PSMA8: variants seen among roughly 807,000 people sequenced by gnomAD.
PSMA8 encodes proteasome subunit alpha-type 8.
PSMA8 carries 18 observed loss-of-function variants against 32.4 expected under a neutral mutation model. The ratio of observed to expected loss-of-function variants is 0.56; its 90% CI spans 0.38 to 0.82. The LOEUF is 0.82. PSMA8 is among the 40% of genes least tolerant of loss of function. The probability of loss-of-function intolerance (pLI) is 0.00; values close to 1 mark genes in which losing one functional copy is unlikely to be tolerated. For synonymous variants in PSMA8, 104 were observed against 98.1 expected, an observed-to-expected ratio of 1.06 and a Z score of -0.36; for missense variants, 298 against 300.7, an observed-to-expected ratio of 0.99 and a Z score of 0.07.
intron 4 of PSMA8, among the ~76,000 whole-genome samples, chr18:26,162,512 C>T (rs1439676329): frequency 2.6e-5 from 4 of 152,176 alleles, no homozygotes; most frequent in African/African-American, 9.7e-5. Flanking sequence ...AACTCTCCTT[C>T]TATAAACATC....
intron 1 of PSMA8, among the ~76,000 whole-genome samples, chr18:26,142,279 T>C (rs932075423): frequency 6.6e-6 from 1 of 152,070 alleles, no homozygotes; most frequent in Non-Finnish European, 1.5e-5. Context: ...GACCTCGTGA[T>C]CCACCCACCT....
intron 4 of PSMA8, 31 bp from the exon 5 acceptor site, chr18:26,178,799 G>A: frequency 1.3e-6 from 2 of 1,596,066 alleles, no homozygotes; most frequent in Non-Finnish European, 1.7e-6. Flanking sequence ...CTACTGCAAT[G>A]ATATTAATAA....
chr18:26,153,849 AG>A (rs2055065431), intron 3 of PSMA8, among the ~76,000 whole-genome samples: 1 of 152,122 alleles, frequency 6.6e-6, no homozygotes, highest in African/African-American at 2.4e-5. Flanking sequence ...AAGACATTTT[AG>A]GTTTTTAGAA....
chr18:26,183,411 A>G (rs1049576758), intron 6 of PSMA8, among the ~76,000 whole-genome samples: 11 of 150,580 alleles, frequency 7.3e-5, no homozygotes, highest in Non-Finnish European at 1.5e-4. Flanking sequence ...AAATTAACAA[A>G]CAAACAAAAA....
chr18:26,151,796 G>GA (rs1311944049), intron 2 of PSMA8, 62 bp from the exon 3 acceptor site: 1 of 1,494,782 alleles, frequency 6.7e-7, no homozygotes. Flanking sequence ...ATTTGACAAG[G>GA]AAAAATGTAT....
chr18:26,146,048 T>G (rs1187389227), intron 2 of PSMA8, among the ~76,000 whole-genome samples: 2 of 152,214 alleles, frequency 1.3e-5, no homozygotes. Context: ...TATATTCTTA[T>G]ACATGTGTAC....
At chr18:26,138,208 C>A (rs74427973) in intron 1 of PSMA8, among the ~76,000 whole-genome samples, 1,525 of 152,226 alleles carry the variant, frequency 0.01, 24 homozygotes, top group African/African-American at 0.035. Flanking sequence ...TACATTTGTC[C>A]AACAACAGAG....
intron 2 of PSMA8, among the ~76,000 whole-genome samples, chr18:26,147,400 G>C (rs2055012834): frequency 6.6e-6 from 1 of 152,032 alleles, no homozygotes; most frequent in African/African-American, 2.4e-5. Flanking sequence ...CAGATATCTT[G>C]AGAGAAAGGC....
intron 4 of PSMA8, among the ~76,000 whole-genome samples, chr18:26,165,571 TC>T (rs369994909): frequency 0.052 from 7,893 of 151,216 alleles, 233 homozygotes; most frequent in African/African-American, 0.069. Context: ...AAGGGAATTT[TC>T]CCCCCCCAAG....
chr18:26,179,087 A>T lies in PSMA8; in HGVS notation c.617A>T (p.Lys206Ile). The T allele has an allele frequency of 6.2e-7, 1 of 1,613,268 alleles. No homozygotes were observed. Among genetic ancestry groups the T allele is most frequent in the Non-Finnish European group, 8.5e-7 (1 of 1,179,538 alleles). ...ALLEVVQSGG[K>I]NIELAIIRRN... is the part of the protein sequence containing the mutation. The stretch of plus-strand genomic sequence containing the variant: ...CATTAGGTTGTCCAGTCTGGTGGAA[A>T]AAACATTGAACTTGCTATAATAAGA... Residue 206 changes from lysine to isoleucine, a missense_variant, in exon 6 of 7, where the codon AAA becomes ATA. By Grantham distance (102) the Lys-to-Ile change is moderately radical. Transcript: ENST00000415576.
chr18:26,186,797 A>G (rs1457312367), intron 6 of PSMA8, among the ~76,000 whole-genome samples: 1 of 152,198 alleles, frequency 6.6e-6, no homozygotes, highest in Non-Finnish European at 1.5e-5. Flanking sequence ...CATGAGGACA[A>G]TTCTAGATGA....
Position 26,143,224 on chromosome 18 carries a change from C to T in PSMA8, c.103-1335C>T, listed in dbSNP as rs115861075. 3.4e-3 allele frequency among the ~76,000 whole-genome samples: 523 copies of T among 152,178 alleles called. 3 individuals are homozygous for T. The highest frequency in any genetic ancestry group is 0.012 in the African/African-American group (500 of 41,520). ...CTCTATATGGAGTTTGTTAGTTTTC[C>T]CCGTGTCTGCATGGGTTTTCTCCAT... is the stretch of plus-strand genomic sequence containing the variant. On this transcript the variant is annotated intron_variant, in intron 1 of 6. Transcript: ENST00000415576.
rs1598679905 is a variant in PSMA8 at position 26,192,544 on chromosome 18, C to A, written c.*133C>A. On this transcript the variant is annotated 3_prime_UTR_variant, in exon 7 of 7. Coordinates refer to ENST00000415576, the MANE Select transcript of PSMA8 (RefSeq NM_001025096.2). ...GTACTTGTGTGATGTTTTGAGAATGCCAGATCTGTGGCTGTCTTCATTCTA... is the reference window on the plus strand; with the variant it reads ...GTACTTGTGTGATGTTTTGAGAATGACAGATCTGTGGCTGTCTTCATTCTA... 2 of 1,065,120 alleles carry A rather than the reference C, an allele frequency of 1.9e-6. No individual in the cohort carries two copies. The highest frequency in any genetic ancestry group is 2.5e-6 in the Non-Finnish European group (2 of 800,192). 66.0% of individuals were successfully genotyped at this position (1,065,120 alleles called of 1,614,324 possible). A position where few individuals can be genotyped will look rare whatever the true frequency, so the allele number is the denominator to read the frequency against.
At chr18:26,189,646 A>G (rs2055385861) in intron 6 of PSMA8, among the ~76,000 whole-genome samples, 1 of 152,230 alleles carries the variant, frequency 6.6e-6, no homozygotes. Flanking sequence ...AAGCTACAGC[A>G]AATGCTGGTG....
In PSMA8 at chr18:26,179,071, G is replaced by T. The variant is rs1473677244; in HGVS notation, c.601G>T (p.Val201Phe). The change falls in exon 6 of 7, where the codon GTC (valine) becomes TTC (phenylalanine). Residue 201 changes from valine (V) to phenylalanine (F), a missense_variant. Physicochemically the swap from Val to Phe is conservative, Grantham distance 50 (BLOSUM62 -1). Transcript: ENST00000415576. Reference protein sequence around the residue: ...KLAIKALLEVVQSGGKNIELA... With the variant: ...KLAIKALLEVFQSGGKNIELA... The stretch of plus-strand genomic sequence containing the variant: ...TAGTGTACTTGTTCTACATTAGGTT[G>T]TCCAGTCTGGTGGAAAAAACATTGA... The T allele has an allele frequency of 6.2e-7, 1 of 1,613,176 alleles. No individual in the cohort carries two copies. The highest frequency in any genetic ancestry group is 1.7e-5 in the Admixed American group (1 of 59,928).
At chr18:26,188,461 T>C (rs866748509) in intron 6 of PSMA8, among the ~76,000 whole-genome samples, 2 of 151,708 alleles carry the variant, frequency 1.3e-5, no homozygotes, top group Non-Finnish European at 2.9e-5. Context: ...AAAATACCAA[T>C]GATATTCTTC....
intron 6 of PSMA8, 65 bp from the exon 7 acceptor site, chr18:26,192,254 C>T (rs1263231943): frequency 4.4e-6 from 5 of 1,138,888 alleles, no homozygotes; most frequent in Non-Finnish European, 1.1e-6. Flanking sequence ...TGGAATTCTT[C>T]ATATTGTATT....
chr18:26,182,528 A>G (rs74348257), intron 6 of PSMA8, among the ~76,000 whole-genome samples: 106 of 152,334 alleles, frequency 7.0e-4, no homozygotes, highest in East Asian at 6.4e-3. Context: ...TTCCTTTCAA[A>G]ATGTTACTGC....
intron 4 of PSMA8, chr18:26,170,873 C>G: frequency 6.4e-7 from 1 of 1,559,488 alleles, no homozygotes; most frequent in Non-Finnish European, 8.5e-7. Context: ...CTTGCATGAT[C>G]CTTGTCACAA....
Sources: allele counts gnomAD v4.1 joint callset (sites outside exome capture counted in the v4.1 genomes callset), GRCh38; gene constraint gnomAD v4.1.1; transcripts MANE v1.5; gene names NCBI Gene and HGNC (gene_info 2026-07-23, HGNC 2026-07-21).